Variants in AVEN observed in about 807,000 individuals in gnomAD.
The protein encoded by AVEN is cell death regulator Aven.
AVEN carries 41 observed loss-of-function variants against 38.1 expected under a neutral mutation model. The observed-to-expected ratio is 1.08, with a 90% CI of 0.84 to 1.40. AVEN has a LOEUF of 1.40. Among genes scored for constraint, AVEN ranks in the 40% most tolerant of loss-of-function variants. The probability of loss-of-function intolerance (pLI) is 0.00; values close to 1 mark genes in which losing one functional copy is unlikely to be tolerated. For synonymous variants in AVEN, 206 were observed against 171.8 expected (o/e 1.20, Z -1.56); for missense variants, 605 against 438.8 (o/e 1.38, Z -3.38).
chr15:33,871,031 C>CTA lies in AVEN; in HGVS notation c.517-3_517-2dup, dbSNP rs746931251. 1,385 of 1,486,678 alleles carry CTA rather than the reference C, an allele frequency of 9.3e-4. 2 individuals are homozygous for CTA. Among genetic ancestry groups the CTA allele is most frequent in the Middle Eastern group, 1.1e-3 (5 of 4,696 alleles). 92.1% of individuals were successfully genotyped at this position (1,486,678 alleles called of 1,614,324 possible). On this transcript the variant is annotated splice_acceptor_variant, in intron 3 of 5. Coordinates refer to ENST00000306730, the MANE Select transcript of AVEN (RefSeq NM_020371.3). LOFTEE classifies it high-confidence loss of function. Reference sequence around the variant, plus strand: ...CACTATCCACATAAAATGCTGAATTCTATATATATATATAAAAGAAAATAA... The same window carrying CTA: ...CACTATCCACATAAAATGCTGAATTCTATATATATATATATAAAAGAAAATAA...
At chr15:33,951,834 G>A (rs1050712230) in intron 2 of AVEN, among the ~76,000 whole-genome samples, 1 of 152,122 alleles carries the variant, frequency 6.6e-6, no homozygotes, top group Non-Finnish European at 1.5e-5. Flanking sequence ...CTAGCACAGA[G>A]GAAAGTTTGA....
intron 2 of AVEN, among the ~76,000 whole-genome samples, chr15:33,967,380 A>T (rs1050862559): frequency 3.9e-5 from 6 of 152,114 alleles, no homozygotes; most frequent in Admixed American, 1.3e-4. Flanking sequence ...ATTATAGCCA[A>T]TGTGTTAGGT....
At chr15:34,008,214 A>T (rs1897449223) in intron 1 of AVEN, among the ~76,000 whole-genome samples, 1 of 152,054 alleles carries the variant, frequency 6.6e-6, no homozygotes, top group South Asian at 2.1e-4. Flanking sequence ...TGAGGCCAGG[A>T]GTTCAAGACC....
At chr15:33,925,355 T>C (rs957819000) in intron 2 of AVEN, among the ~76,000 whole-genome samples, 1 of 152,210 alleles carries the variant, frequency 6.6e-6, no homozygotes, top group Non-Finnish European at 1.5e-5. Context: ...ACTGTTCATA[T>C]GATACCCACA....
rs1296438108 is a variant in AVEN at position 33,957,722 on chromosome 15, T to TA, written c.445+45309_445+45310insT. Among the ~76,000 whole-genome samples, 545 of 131,042 alleles carry TA rather than the reference T, an allele frequency of 4.2e-3. 2 individuals are homozygous for TA. The highest frequency in any genetic ancestry group is 0.019 in the African/African-American group (527 of 27,594). 86.0% of individuals were successfully genotyped at this position (131,042 alleles called of 152,430 possible). A position where few individuals can be genotyped will look rare whatever the true frequency, so the allele number is the denominator to read the frequency against. ...GGAATCTCAAAATCATTATATTGTA[T>TA]GAAAAAAAAAAAAGCCAGACATAAG... On this transcript the variant is annotated intron_variant, in intron 2 of 5. Coordinates refer to ENST00000306730, the MANE Select transcript of AVEN (RefSeq NM_020371.3).
intron 2 of AVEN, among the ~76,000 whole-genome samples, chr15:34,069,046 C>T (rs972468644): frequency 6.6e-6 from 1 of 151,850 alleles, no homozygotes; most frequent in African/African-American, 2.4e-5. Context: ...CTCCTGACCT[C>T]ATGATCCACC....
chr15:34,007,670 T>C (rs1442964490), intron 1 of AVEN, among the ~76,000 whole-genome samples: 1 of 152,232 alleles, frequency 6.6e-6, no homozygotes, highest in Non-Finnish European at 1.5e-5. Flanking sequence ...CATTTCCTGG[T>C]ACCGTATTAC....
intron 2 of AVEN, among the ~76,000 whole-genome samples, chr15:33,944,901 T>C (rs749934810): frequency 2.0e-5 from 3 of 151,930 alleles, no homozygotes; most frequent in East Asian, 1.9e-4. Context: ...AGCAGATATA[T>C]AGAAAGTCCT....
At chr15:33,960,773 C>G (rs1005820895) in intron 2 of AVEN, among the ~76,000 whole-genome samples, 4 of 152,100 alleles carry the variant, frequency 2.6e-5, no homozygotes, top group Non-Finnish European at 4.4e-5. Flanking sequence ...AACATTATTC[C>G]TTGATATGCT....
intron 4 of AVEN, among the ~76,000 whole-genome samples, chr15:33,869,873 C>A (rs1225387031): frequency 6.6e-6 from 1 of 150,614 alleles, no homozygotes; most frequent in African/African-American, 2.5e-5. Flanking sequence ...TTCTTCATGG[C>A]ATAATCTTTG....
chr15:33,864,598 G>C (rs1889799203), downstream of AVEN, among the ~76,000 whole-genome samples: 2 of 151,438 alleles, frequency 1.3e-5, no homozygotes, highest in South Asian at 4.1e-4. Context: ...GTGTGCATGT[G>C]AGAGGATGAG....
chr15:33,864,082 GC>G, downstream of AVEN: 2 of 1,303,518 alleles, frequency 1.5e-6, no homozygotes, highest in Non-Finnish European at 2.2e-6. Flanking sequence ...GTTAATCCAT[GC>G]GAATGAACTT....
At chr15:33,883,671 C>T (rs1404685849) in intron 2 of AVEN, 1 of 152,108 alleles carries the variant, frequency 6.6e-6, no homozygotes. Context: ...AAATGATTAT[C>T]TCTCAGAATG....
intron 2 of AVEN, among the ~76,000 whole-genome samples, chr15:33,928,402 G>A (rs77781547): frequency 6.6e-6 from 1 of 152,250 alleles, no homozygotes; most frequent in Non-Finnish European, 1.5e-5. Context: ...ATCAATCTCT[G>A]GCAGAGAGGG....
downstream of AVEN, chr15:33,857,673 C>T (rs2079836090): frequency 2.8e-6 from 4 of 1,422,820 alleles, no homozygotes; most frequent in East Asian, 2.3e-5. Context: ...CATTTCCTCT[C>T]CTTGCCCGTC....
At chr15:33,863,366 G>GACGCTCT (rs1261482474), downstream of AVEN, among the ~76,000 whole-genome samples, 1 of 152,184 alleles carries the variant, frequency 6.6e-6, no homozygotes, top group African/African-American at 2.4e-5. Flanking sequence ...GCCAGGACCT[G>GACGCTCT]ACGCTCTATA....
At chr15:33,852,673 T>A in the AVEN span, 1 of 190,652 alleles carries the variant, frequency 5.2e-6, no homozygotes, top group Non-Finnish European at 1.1e-5. Flanking sequence ...TAGTGACTCA[T>A]TGAATGGAAT....
intron 2 of AVEN, among the ~76,000 whole-genome samples, chr15:33,927,089 C>T (rs1194756532): frequency 6.6e-6 from 1 of 152,150 alleles, no homozygotes; most frequent in South Asian, 2.1e-4. Context: ...CCCATCTCTA[C>T]TAAAAATACA....
At position 33,867,711 on chromosome 15, in the gene AVEN, C is replaced by T. The variant is rs1029464028; in HGVS notation, c.757G>A (p.Val253Met). 1.2e-6 allele frequency: 2 copies of T among 1,614,046 alleles called. No individual in the cohort carries two copies. Among genetic ancestry groups the T allele is most frequent in the Non-Finnish European group, 1.7e-6 (2 of 1,180,038 alleles). ...CTTGGGTTGTCTTTGCCCAGCAACA[C>T]AGGGCAGCCAGCAGCCACAGATTTC... The part of the protein sequence containing the change: ...ELKSVAAGCP[V>M]LLGKDNPSPG... The change falls in exon 5 of 6, where the codon GTG (valine) becomes ATG (methionine). Residue 253 changes from valine to methionine, a missense_variant. By Grantham distance (21) the Val-to-Met change is conservative. Coordinates refer to ENST00000306730, the MANE Select transcript of AVEN (RefSeq NM_020371.3).
Sources: allele counts gnomAD v4.1 joint callset (sites outside exome capture counted in the v4.1 genomes callset), GRCh38; gene constraint gnomAD v4.1.1; transcripts MANE v1.5; gene names NCBI Gene and HGNC (gene_info 2026-07-23, HGNC 2026-07-21).